The following MMS22L variants were observed in gnomAD, a reference collection of about 807,000 sequenced individuals.
MMS22L encodes protein MMS22-like.
Under a neutral mutation model 159.1 loss-of-function variants are expected in MMS22L, and 74 were observed. The ratio of observed to expected loss-of-function variants is 0.47; its 90% CI spans 0.39 to 0.56. The LOEUF is 0.56. Ranked by LOEUF, MMS22L falls within the 20% of genes least tolerant of loss-of-function variation. The probability of loss-of-function intolerance (pLI) is 0.00; values close to 1 mark genes in which losing one functional copy is unlikely to be tolerated. For missense variants in MMS22L, 1,351 were observed against 1,422.1 expected, an observed-to-expected ratio of 0.95 and a Z score of 0.80; for synonymous variants, 517 against 506.9, an observed-to-expected ratio of 1.02 and a Z score of -0.27.
intron 16 of MMS22L, among the ~76,000 whole-genome samples, chr6:97,180,831 C>T (rs1414903281): frequency 6.6e-6 from 1 of 151,992 alleles, no homozygotes; most frequent in African/African-American, 2.4e-5. Flanking sequence ...AACTGAAAGC[C>T]CAATGAAAAA....
intron 22 of MMS22L, among the ~76,000 whole-genome samples, chr6:97,156,706 G>A (rs1217035050): frequency 6.6e-6 from 1 of 152,126 alleles, no homozygotes; most frequent in Non-Finnish European, 1.5e-5. Context: ...ATGCTGTTTT[G>A]ATTACTGTAG....
intron 22 of MMS22L, among the ~76,000 whole-genome samples, chr6:97,157,042 C>T (rs1411360949): frequency 5.3e-5 from 8 of 151,930 alleles, no homozygotes; most frequent in Admixed American, 2.6e-4. Flanking sequence ...CTTCACATCC[C>T]GTGTAAGTTA....
At chr6:97,149,217 T>C (rs903287875) in intron 24 of MMS22L, among the ~76,000 whole-genome samples, 1 of 152,194 alleles carries the variant, frequency 6.6e-6, no homozygotes, top group African/African-American at 2.4e-5. Flanking sequence ...TAACTGTATT[T>C]TGATTCTTTA....
rs200754092 is a variant in MMS22L at position 97,282,495 on chromosome 6, G to C, written c.-18C>G. 3.3e-6 allele frequency: 5 copies of C among 1,535,900 alleles called. No individual in the cohort carries two copies. The Admixed American group carries it at 9.0e-5, about 28-fold the overall frequency. ...TTCTCCATTGTTTACTTCATGTTCT[G>C]AAACACTTGGGGTTCGTCGTATCAT... On this transcript the variant is annotated 5_prime_UTR_variant, in exon 2 of 25. It introduces an in-frame stop codon into an upstream open reading frame of the 5' UTR. Coordinates refer to ENST00000683635, the MANE Select transcript of MMS22L (RefSeq NM_001350599.2).
intron 14 of MMS22L, among the ~76,000 whole-genome samples, chr6:97,222,538 T>C (rs1562475733): frequency 6.6e-6 from 1 of 152,054 alleles, no homozygotes; most frequent in Non-Finnish European, 1.5e-5. Context: ...AGTTGATCAA[T>C]ATCTATTTGG....
intron 6 of MMS22L, 200 bp downstream of exon 6, chr6:97,272,504 G>C (rs1815848871): frequency 2.0e-6 from 1 of 512,296 alleles, no homozygotes; most frequent in African/African-American, 1.9e-5. Context: ...TAAGTTGTAA[G>C]AATTACACAG....
At chr6:97,283,615 CAATT>C (rs1232792050), upstream of MMS22L, 1 of 152,160 alleles carries the variant, frequency 6.6e-6, no homozygotes, top group African/African-American at 2.4e-5. Context: ...GCAAGTGCAA[CAATT>C]AATTTTCTCT....
chr6:97,185,903 C>G (rs1003117484), intron 15 of MMS22L, among the ~76,000 whole-genome samples: 7 of 152,046 alleles, frequency 4.6e-5, no homozygotes, highest in Admixed American at 3.3e-4. Context: ...ACAATGGCCT[C>G]TTCTTAGAAA....
At chr6:97,273,115 G>C in intron 4 of MMS22L, 53 bp from the exon 5 acceptor site, 1 of 1,437,642 alleles carries the variant, frequency 7.0e-7, no homozygotes, top group Non-Finnish European at 9.5e-7. Flanking sequence ...ATCATGGGCA[G>C]TGACAAAAAA....
intron 22 of MMS22L, among the ~76,000 whole-genome samples, chr6:97,157,546 T>C (rs1472585262): frequency 6.6e-6 from 1 of 152,152 alleles, no homozygotes; most frequent in Non-Finnish European, 1.5e-5. Flanking sequence ...TGAATTTTGT[T>C]AAAGGCCTTT....
chr6:97,151,955 T>C, intron 22 of MMS22L, 88 bp from the exon 23 acceptor site: 3 of 971,614 alleles, frequency 3.1e-6, no homozygotes, highest in Non-Finnish European at 4.8e-6. Context: ...TTTAGAAAAA[T>C]ATGTTGTTTT....
intron 18 of MMS22L, among the ~76,000 whole-genome samples, chr6:97,173,436 G>A (rs1231372460): frequency 6.6e-6 from 1 of 151,870 alleles, no homozygotes; most frequent in Non-Finnish European, 1.5e-5. Flanking sequence ...AAGGTTAAAG[G>A]AAGAAATCTT....
chr6:97,269,955 A>G lies in MMS22L; in HGVS notation c.644T>C (p.Leu215Ser), dbSNP rs753315406. 4 of 1,612,746 alleles carry G rather than the reference A, an allele frequency of 2.5e-6. No individual in the cohort carries two copies. Among genetic ancestry groups the G allele is most frequent in the Non-Finnish European group, 2.5e-6 (3 of 1,179,264 alleles). Residue 215 changes from leucine (L) to serine (S), a missense_variant, in exon 7 of 25, where the codon TTG (leucine) becomes TCG (serine). Coordinates refer to ENST00000683635, the MANE Select transcript of MMS22L (RefSeq NM_001350599.2). ...TTCTAGCACCAGCCAATGTATATCCAAGTGGAGATGTAATAAATGCCATGA... is the reference window on the plus strand; with the variant it reads ...TTCTAGCACCAGCCAATGTATATCCGAGTGGAGATGTAATAAATGCCATGA... ...PPSWHLLHLH[L>S]DIHWLVLEIL... is the part of the protein sequence containing the mutation.
At chr6:97,224,764 A>G (rs1554269070) in intron 14 of MMS22L, among the ~76,000 whole-genome samples, 1 of 151,304 alleles carries the variant, frequency 6.6e-6, no homozygotes, top group South Asian at 2.1e-4. Context: ...TGGTATGGTT[A>G]GTTTTGGTTT....
chr6:97,145,960 T>G lies in MMS22L; in HGVS notation c.*846A>C, dbSNP rs2128228954. ...TAAACAGGTTTCTTGGATAAAATGC[T>G]AAGTTATAAGAAGCTCTGGCTAAAG... On this transcript the variant is annotated 3_prime_UTR_variant, in exon 25 of 25. Coordinates refer to ENST00000683635, the MANE Select transcript of MMS22L (RefSeq NM_001350599.2). 6.6e-6 allele frequency: 1 copy of G among 152,302 alleles called. No homozygotes were observed. The highest frequency in any genetic ancestry group is 2.1e-4 in the South Asian group (1 of 4,822). 9.4% of individuals were successfully genotyped at this position (152,302 alleles called of 1,614,324 possible). A position where few individuals can be genotyped will look rare whatever the true frequency, so the allele number is the denominator to read the frequency against.
Position 97,282,484 on chromosome 6 carries a change from C to G in MMS22L, c.-7G>C, listed in dbSNP as rs746175625. ...CAGCAGAACAGTTCTCCATTGTTTA[C>G]TTCATGTTCTGAAACACTTGGGGTT... On this transcript the variant is annotated 5_prime_UTR_variant, in exon 2 of 25. Transcript: ENST00000683635. 1.3e-6 allele frequency: 2 copies of G among 1,554,070 alleles called. No individual in the cohort carries two copies. The highest frequency in any genetic ancestry group is 2.2e-5 in the South Asian group (2 of 90,010).
chr6:97,251,897 C>G (rs1813276073), intron 10 of MMS22L, among the ~76,000 whole-genome samples: 1 of 152,024 alleles, frequency 6.6e-6, no homozygotes, highest in Non-Finnish European at 1.5e-5. Context: ...TCCTGTCTAA[C>G]ACAGTGAAAC....
At chr6:97,186,405 C>A in intron 15 of MMS22L, 92 bp downstream of exon 15, 1 of 994,208 alleles carries the variant, frequency 1.0e-6, no homozygotes, top group South Asian at 1.9e-5. Context: ...AAAATGTTTG[C>A]TATACAAGAG....
chr6:97,239,275 A>AT (rs1562494069), intron 11 of MMS22L, among the ~76,000 whole-genome samples: 1 of 152,150 alleles, frequency 6.6e-6, no homozygotes, highest in African/African-American at 2.4e-5. Flanking sequence ...AATCAAAATA[A>AT]TTTTTTAAAA....
Sources: allele counts gnomAD v4.1 joint callset (sites outside exome capture counted in the v4.1 genomes callset), GRCh38; gene constraint gnomAD v4.1.1; transcripts MANE v1.5; gene names NCBI Gene and HGNC (gene_info 2026-07-23, HGNC 2026-07-21).